Variants in GALNTL6 observed in about 807,000 individuals in gnomAD.
GALNTL6 encodes polypeptide N-acetylgalactosaminyltransferase-like 6.
In GALNTL6, 46 loss-of-function variants were observed where a neutral mutation model predicts 73.7. That is an observed-to-expected ratio of 0.62 (90% CI 0.49 to 0.80). The LOEUF (loss-of-function observed/expected upper bound fraction) is 0.80, where lower values mean the gene tolerates loss of function less well. Among genes scored for constraint, GALNTL6 ranks in the 30% least tolerant of loss-of-function variants. The probability of loss-of-function intolerance (pLI) is 0.00; values close to 1 mark genes in which losing one functional copy is unlikely to be tolerated. For missense variants in GALNTL6, 604 were observed against 755.0 expected (o/e 0.80, Z 2.34); for synonymous variants, 259 against 263.7 (o/e 0.98, Z 0.17).
At chr4:172,669,807 T>C (rs1264818128) in intron 5 of GALNTL6, among the ~76,000 whole-genome samples, 2 of 152,128 alleles carry the variant, frequency 1.3e-5, no homozygotes, top group Non-Finnish European at 2.9e-5. Context: ...TTCCTTCTCG[T>C]TTTCCTCCTC....
intron 5 of GALNTL6, among the ~76,000 whole-genome samples, chr4:172,692,922 G>A (rs1733403683): frequency 6.6e-6 from 1 of 152,164 alleles, no homozygotes; most frequent in African/African-American, 2.4e-5. Context: ...GACCCAGAAT[G>A]ACTCATCCAA....
intron 5 of GALNTL6, among the ~76,000 whole-genome samples, chr4:172,582,946 A>G (rs1737251117): frequency 6.6e-6 from 1 of 152,194 alleles, no homozygotes; most frequent in African/African-American, 2.4e-5. Context: ...TCTCTAAGAA[A>G]TCTTGTCATC....
chr4:172,367,764 A>G (rs1313334847), intron 5 of GALNTL6, among the ~76,000 whole-genome samples: 1 of 152,194 alleles, frequency 6.6e-6, no homozygotes, highest in Non-Finnish European at 1.5e-5. Context: ...TAAAGTCCTC[A>G]TGAATTAAGT....
rs1734383101 is a variant in GALNTL6, at chr4:172,506,046, GCA to G, written c.553+157358_553+157359del. ...TATCATTAGGTCAGCATACTCTCCG[GCA>G]TGCTTCCTCACAGTCATTTGGAGCC... On this transcript the variant is annotated intron_variant, in intron 5 of 12. Coordinates refer to ENST00000506823, the MANE Select transcript of GALNTL6 (RefSeq NM_001034845.3). Among the ~76,000 whole-genome samples, 2 of 53,802 alleles carry G rather than the reference GCA, an allele frequency of 3.7e-5. 1 individual carries two copies. The highest frequency in any genetic ancestry group is 9.3e-5 in the African/African-American group (2 of 21,450). The allele number at this position is 53,802 out of a possible 152,430, so 35.3% of individuals were successfully genotyped here. A position where few individuals can be genotyped will look rare whatever the true frequency, so the allele number is the denominator to read the frequency against.
chr4:172,709,256 A>G (rs1734547262), intron 5 of GALNTL6, among the ~76,000 whole-genome samples: 1 of 152,136 alleles, frequency 6.6e-6, no homozygotes. Context: ...CACCCCATCA[A>G]ACAAGATTGG....
chr4:172,488,998 C>A (rs2110740005), intron 5 of GALNTL6, among the ~76,000 whole-genome samples: 1 of 152,236 alleles, frequency 6.6e-6, no homozygotes, highest in Admixed American at 6.5e-5. Context: ...AACAGAATTA[C>A]AAATACCTGC....
intron 3 of GALNTL6, among the ~76,000 whole-genome samples, chr4:172,241,918 T>C (rs1375768780): frequency 6.6e-6 from 1 of 152,210 alleles, no homozygotes; most frequent in Admixed American, 6.5e-5. Context: ...CAAAATAGAT[T>C]AGCATTTTTA....
chr4:171,945,175 C>G (rs1301451175), intron 2 of GALNTL6, among the ~76,000 whole-genome samples: 2 of 151,990 alleles, frequency 1.3e-5, no homozygotes, highest in East Asian at 3.8e-4. Flanking sequence ...AACCAACTCT[C>G]CAGATACCTA....
intron 3 of GALNTL6, among the ~76,000 whole-genome samples, chr4:172,310,215 C>CA (rs1740302731): frequency 2.6e-5 from 4 of 151,302 alleles, no homozygotes; most frequent in Non-Finnish European, 5.9e-5. Context: ...AGCAAGTGTA[C>CA]AAAATTTTGT....
At chr4:172,036,027 T>C (rs17057978) in intron 2 of GALNTL6, among the ~76,000 whole-genome samples, 4,441 of 152,190 alleles carry the variant, frequency 0.029, 151 homozygotes, top group East Asian at 0.093. Context: ...TTTCAGAAAA[T>C]TTTGTTAACC....
At chr4:172,793,749 C>T (rs1229336469) in intron 5 of GALNTL6, among the ~76,000 whole-genome samples, 2 of 152,186 alleles carry the variant, frequency 1.3e-5, no homozygotes, top group Admixed American at 6.5e-5. Context: ...ATTCTGTACT[C>T]GTCACTTTCT....
At chr4:172,086,129 C>T (rs1489826493) in intron 2 of GALNTL6, among the ~76,000 whole-genome samples, 1 of 151,858 alleles carries the variant, frequency 6.6e-6, no homozygotes, top group Non-Finnish European at 1.5e-5. Flanking sequence ...AAAGAATTGT[C>T]CTGAGGGATT....
chr4:171,920,772 T>C (rs985548588), intron 2 of GALNTL6, among the ~76,000 whole-genome samples: 3 of 152,066 alleles, frequency 2.0e-5, no homozygotes, highest in African/African-American at 4.8e-5. Flanking sequence ...GAAAGAATAT[T>C]CATAAAAATA....
chr4:172,326,509 T>C (rs1310862760), intron 4 of GALNTL6, among the ~76,000 whole-genome samples: 4 of 151,982 alleles, frequency 2.6e-5, no homozygotes, highest in African/African-American at 9.7e-5. Flanking sequence ...TACCTACTAA[T>C]AAAGTCAATT....
At chr4:172,242,540 A>T (rs1214318587) in intron 3 of GALNTL6, among the ~76,000 whole-genome samples, 1 of 152,154 alleles carries the variant, frequency 6.6e-6, no homozygotes, top group Non-Finnish European at 1.5e-5. Flanking sequence ...TATATGATCT[A>T]TTTTGTTGAA....
intron 2 of GALNTL6, 115 bp from the exon 3 acceptor site, chr4:172,229,541 G>T: frequency 1.6e-6 from 1 of 629,384 alleles, no homozygotes; most frequent in Non-Finnish European, 2.8e-6. Context: ...ATACTCAGAA[G>T]ATTCACTTAT....
chr4:173,005,873 A>G (rs1027113937), intron 10 of GALNTL6, among the ~76,000 whole-genome samples: 3 of 152,192 alleles, frequency 2.0e-5, no homozygotes, highest in African/African-American at 4.8e-5. Flanking sequence ...AGTTTATCCC[A>G]TTGTCTACAC....
intron 10 of GALNTL6, among the ~76,000 whole-genome samples, chr4:172,972,572 C>G (rs1339056166): frequency 6.6e-6 from 1 of 152,220 alleles, no homozygotes; most frequent in African/African-American, 2.4e-5. Context: ...ACACCTAGCT[C>G]TCAATTGTGG....
At chr4:172,394,288 A>G (rs1232311698) in intron 5 of GALNTL6, among the ~76,000 whole-genome samples, 1 of 152,096 alleles carries the variant, frequency 6.6e-6, no homozygotes, top group Non-Finnish European at 1.5e-5. Context: ...TTATAACCAT[A>G]AAAATTGTTA....
Sources: allele counts gnomAD v4.1 joint callset (sites outside exome capture counted in the v4.1 genomes callset), GRCh38; gene constraint gnomAD v4.1.1; transcripts MANE v1.5; gene names NCBI Gene and HGNC (gene_info 2026-07-23, HGNC 2026-07-21).